DLC1: variants seen among roughly 807,000 people sequenced by gnomAD.
DLC1 encodes rho GTPase-activating protein 7.
In DLC1, 54 loss-of-function variants were observed where a neutral mutation model predicts 140.3. The observed-to-expected ratio is 0.38, with a 90% CI of 0.31 to 0.48. The LOEUF is 0.48. Among genes scored for constraint, DLC1 ranks in the 20% least tolerant of loss-of-function variants. The pLI is 0.96. For synonymous variants in DLC1, 986 were observed against 728.1 expected (o/e 1.35, Z -5.70); for missense variants, 2,536 against 1,907.0 (o/e 1.33, Z -6.14).
intron 2 of DLC1, among the ~76,000 whole-genome samples, chr8:13,453,424 G>T (rs1291252340): frequency 1.1e-3 from 64 of 56,412 alleles, no homozygotes; most frequent in African/African-American, 2.6e-3. Context: ...ATATATATAT[G>T]TGTATATATA....
chr8:13,321,029 C>T (rs369423773), intron 4 of DLC1, among the ~76,000 whole-genome samples: 14 of 152,006 alleles, frequency 9.2e-5, no homozygotes, highest in African/African-American at 2.2e-4. Flanking sequence ...TTGTACAGCC[C>T]GCAGAACCAT....
chr8:13,519,277 G>A (rs1313873017), upstream of DLC1, among the ~76,000 whole-genome samples: 8 of 152,024 alleles, frequency 5.3e-5, no homozygotes, highest in Admixed American at 2.0e-4. Flanking sequence ...ACTGGCACCC[G>A]CCACCATGCC....
At chr8:13,550,784 C>T (rs1009216922) in intron 1 of DLC1, among the ~76,000 whole-genome samples, 14 of 152,020 alleles carry the variant, frequency 9.2e-5, no homozygotes, top group Non-Finnish European at 1.8e-4. Flanking sequence ...TATTAAATCA[C>T]GGAGCTGTAT....
At chr8:13,162,720 A>C (rs1299266404) in intron 5 of DLC1, among the ~76,000 whole-genome samples, 1 of 152,094 alleles carries the variant, frequency 6.6e-6, no homozygotes, top group African/African-American at 2.4e-5. Flanking sequence ...CAGGAGGATC[A>C]CTTGAGGCCG....
At chr8:13,591,445 C>T (rs1805512867) in intron 1 of DLC1, among the ~76,000 whole-genome samples, 1 of 152,096 alleles carries the variant, frequency 6.6e-6, no homozygotes, top group Non-Finnish European at 1.5e-5. Context: ...CTTCTCTCTC[C>T]TGCCACCTTG....
At chr8:13,172,687 G>A (rs1688237082) in intron 5 of DLC1, among the ~76,000 whole-genome samples, 1 of 152,208 alleles carries the variant, frequency 6.6e-6, no homozygotes, top group Non-Finnish European at 1.5e-5. Flanking sequence ...TTTGAATATA[G>A]ATTTGTGTGG....
At chr8:13,481,486 A>T (rs928709156) in intron 2 of DLC1, among the ~76,000 whole-genome samples, 1 of 152,250 alleles carries the variant, frequency 6.6e-6, no homozygotes, top group Non-Finnish European at 1.5e-5. Context: ...AAATAAAATA[A>T]ATAACTGACA....
intron 1 of DLC1, among the ~76,000 whole-genome samples, chr8:13,561,686 T>C (rs774735162): frequency 1.1e-4 from 16 of 152,224 alleles, no homozygotes; most frequent in Non-Finnish European, 2.4e-4. Context: ...AATAGCAGTT[T>C]ACAGGGAAAT....
intron 1 of DLC1, among the ~76,000 whole-genome samples, chr8:13,503,705 C>T (rs1801924349): frequency 6.6e-6 from 1 of 152,164 alleles, no homozygotes. Context: ...ATTCATCAAG[C>T]ATTTATTTAG....
Position 13,275,643 on chromosome 8 carries a change from C to G in DLC1, c.1348+29626G>C, listed in dbSNP as rs939626550. ...GCAAACACAGTCTACCATTTGGTGGCTGTCACATGAGCCCTAGAGCACTTG... is the reference window on the plus strand; with the variant it reads ...GCAAACACAGTCTACCATTTGGTGGGTGTCACATGAGCCCTAGAGCACTTG... On this transcript the variant is annotated intron_variant, in intron 5 of 17. Coordinates refer to ENST00000276297, the MANE Select transcript of DLC1 (RefSeq NM_182643.3). Among the ~76,000 whole-genome samples, 34 of 152,336 alleles carry G rather than the reference C, an allele frequency of 2.2e-4. 1 individual carries two copies. Among genetic ancestry groups the G allele is most frequent in the South Asian group, 1.5e-3 (7 of 4,822 alleles).
At chr8:13,481,598 T>C (rs1029070240) in intron 2 of DLC1, among the ~76,000 whole-genome samples, 19 of 152,178 alleles carry the variant, frequency 1.2e-4, no homozygotes, top group African/African-American at 4.6e-4. Flanking sequence ...CCAGACTCCA[T>C]TAGAATGTAA....
intron 4 of DLC1, among the ~76,000 whole-genome samples, chr8:13,376,375 A>G (rs1184735363): frequency 2.6e-5 from 4 of 152,130 alleles, no homozygotes; most frequent in African/African-American, 9.7e-5. Context: ...CCTCTAAGTA[A>G]GCACTCTGGT....
chr8:13,528,056 T>C (rs1314754280), intron 1 of DLC1, among the ~76,000 whole-genome samples: 1 of 152,142 alleles, frequency 6.6e-6, no homozygotes, highest in Non-Finnish European at 1.5e-5. Flanking sequence ...TCCAAAAAAA[T>C]CATTATTGTT....
chr8:13,144,379 C>T (rs1304631309), intron 5 of DLC1, among the ~76,000 whole-genome samples: 1 of 152,136 alleles, frequency 6.6e-6, no homozygotes, highest in Non-Finnish European at 1.5e-5. Context: ...TTGAACTGAG[C>T]CGTGCTATCA....
At chr8:13,140,435 G>C (rs1053744931) in intron 5 of DLC1, among the ~76,000 whole-genome samples, 1 of 151,850 alleles carries the variant, frequency 6.6e-6, no homozygotes, top group African/African-American at 2.4e-5. Flanking sequence ...GTGTCGTCAT[G>C]TTGCCCAGGC....
intron 2 of DLC1, among the ~76,000 whole-genome samples, chr8:13,439,917 A>T (rs1322979835): frequency 6.6e-6 from 1 of 152,080 alleles, no homozygotes; most frequent in Non-Finnish European, 1.5e-5. Context: ...TCTGATCGTC[A>T]TCAGTTTTTT....
rs1044787005 is a variant in DLC1, at chr8:13,276,515, G to A, written c.1348+28754C>T. On this transcript the variant is annotated intron_variant, in intron 5 of 17. Transcript: ENST00000276297. ...CCTGCCTTCAGGAGGCCGGCATTGC[G>A]GCTGGCACTGCGGCCCCGGGAAGCG... The A allele has an allele frequency of 3.8e-6, 5 of 1,302,762 alleles. No homozygotes were observed. In the African/African-American group the frequency reaches 4.6e-5, roughly 12 times the overall value. 80.7% of individuals were successfully genotyped at this position (1,302,762 alleles called of 1,614,324 possible). A position where few individuals can be genotyped will look rare whatever the true frequency, so the allele number is the denominator to read the frequency against.
chr8:13,526,410 G>A (rs900387272), intron 1 of DLC1, among the ~76,000 whole-genome samples: 7 of 152,072 alleles, frequency 4.6e-5, no homozygotes, highest in African/African-American at 1.4e-4. Flanking sequence ...CTGACATCTT[G>A]ATAATATTGA....
intron 4 of DLC1, among the ~76,000 whole-genome samples, chr8:13,307,247 G>A (rs917016663): frequency 1.3e-5 from 2 of 152,128 alleles, no homozygotes; most frequent in African/African-American, 2.4e-5. Context: ...AGATGCAGAC[G>A]TATAGATTAA....
Sources: gnomAD v4.1 joint callset for allele counts (sites outside exome capture counted in the v4.1 genomes callset) on GRCh38, gnomAD v4.1.1 for gene constraint, MANE v1.5 for transcripts, NCBI Gene and HGNC (gene_info 2026-07-23, HGNC 2026-07-21) for gene names.